Variants in ASB16 observed in about 807,000 individuals in gnomAD.
The protein encoded by ASB16 is ankyrin repeat and SOCS box protein 16.
ASB16 carries 44 observed loss-of-function variants against 39.1 expected under a neutral mutation model. The ratio of observed to expected loss-of-function variants is 1.13; its 90% CI spans 0.88 to 1.45. The LOEUF is 1.45. ASB16 is among the 40% of genes most tolerant of loss of function. The pLI, the probability that ASB16 is intolerant of heterozygous loss-of-function variation, is 0.00. For synonymous variants in ASB16, 305 were observed against 286.7 expected, an observed-to-expected ratio of 1.06 and a Z score of -0.64; for missense variants, 698 against 634.5, an observed-to-expected ratio of 1.10 and a Z score of -1.07.
Position 44,171,089 on chromosome 17 carries a change from G to A in ASB16, c.300G>A (p.Gln100=). The part of the protein sequence containing the change: ...VSNQLAWSAE[Q]GFWVLTPKTK... ...ACCAGCTGGCCTGGTCGGCTGAACA[G>A]GGTAGGGGGCACCAGAAGAGGGCAG... Residue 100 remains glutamine, a splice_region_variant and synonymous_variant, in exon 1 of 5, where the codon CAG becomes CAA. Transcript: ENST00000293414. The A allele has an allele frequency of 3.1e-6, 5 of 1,611,426 alleles. No individual in the cohort carries two copies. The highest frequency in any genetic ancestry group is 4.2e-6 in the Non-Finnish European group (5 of 1,178,314).
chr17:44,173,501 T>C lies in ASB16; in HGVS notation c.569+1188T>C, dbSNP rs1353787077. ...TGAGTCCAGGAGTTTGAGAATAGTT[T>C]GGGCAACGTAAGTGAGGTTTTTGTC... On this transcript the variant is annotated intron_variant, in intron 2 of 4. Transcript: ENST00000293414. Among the ~76,000 whole-genome samples, 4 of 151,366 alleles carry C rather than the reference T, an allele frequency of 2.6e-5. No homozygotes were observed. In the East Asian group the frequency reaches 7.8e-4, roughly 30 times the overall value.
At chr17:44,173,083 TA>T (rs770273961) in intron 2 of ASB16, among the ~76,000 whole-genome samples, 183 of 77,584 alleles carry the variant, frequency 2.4e-3, no homozygotes, top group Middle Eastern at 0.011. Context: ...GAGACTGTCT[TA>T]AAAAAAAAAA....
intron 2 of ASB16, chr17:44,176,460 G>C (rs959459727): frequency 3.7e-6 from 2 of 545,812 alleles, no homozygotes; most frequent in African/African-American, 3.8e-5. Context: ...CTGAGGCAGT[G>C]AGTACTATTT....
At position 44,172,177 on chromosome 17, in the gene ASB16, G is replaced by A. The variant is rs752303230; in HGVS notation, c.433G>A (p.Ala145Thr). ...GCTGGATGCCCGTGTCGGGGGTCGC[G>A]CTGCCTTGCATGAGGCCTGTGCCCG... ...AELDARVGGRAALHEACARAQ... is the reference protein window; with the variant it reads ...AELDARVGGRTALHEACARAQ... The change falls in exon 2 of 5, where the codon GCT becomes ACT. Residue 145 changes from alanine (A) to threonine (T), a missense_variant. Ala to Thr is a moderately conservative substitution (Grantham distance 58, BLOSUM62 0). Coordinates refer to ENST00000293414, the MANE Select transcript of ASB16 (RefSeq NM_080863.5). The A allele has an allele frequency of 4.1e-5, 66 of 1,612,034 alleles. No homozygotes were observed. In the Admixed American group the frequency reaches 8.3e-4, roughly 20 times the overall value.
At chr17:44,172,432 A>C in intron 2 of ASB16, 119 bp downstream of exon 2, 1 of 1,169,280 alleles carries the variant, frequency 8.6e-7, no homozygotes, top group Non-Finnish European at 1.2e-6. Flanking sequence ...AAAGCACCGC[A>C]TATACACATC....
intron 3 of ASB16, 124 bp downstream of exon 3, chr17:44,177,354 C>A: frequency 1.5e-6 from 2 of 1,345,092 alleles, no homozygotes; most frequent in Non-Finnish European, 2.0e-6. Context: ...GGCCAGGGGG[C>A]TGTCCCCAGC....
chr17:44,172,595 A>G (rs942040963), intron 2 of ASB16, among the ~76,000 whole-genome samples: 9 of 151,534 alleles, frequency 5.9e-5, no homozygotes, highest in African/African-American at 2.2e-4. Context: ...AGTCTCCAAT[A>G]CCCTGTGAAT....
Position 44,177,681 on chromosome 17 carries a change from T to C in ASB16, c.1135T>C (p.Cys379Arg). 1 of 1,613,888 alleles carries C rather than the reference T, an allele frequency of 6.2e-7. No homozygotes were observed. The highest frequency in any genetic ancestry group is 1.1e-5 in the South Asian group (1 of 91,076). ...TAATGCCTATCCTTGTGTCCCATCC[T>C]GTGAGACCTGGGTGGAGGCGGTGCT... is the stretch of plus-strand genomic sequence containing the variant. ...LLNAYPCVPS[C>R]ETWVEAVLPE... Residue 379 changes from cysteine (C) to arginine (R), a missense_variant, in exon 4 of 5, where the codon TGT (cysteine) becomes CGT (arginine). Coordinates refer to ENST00000293414, the MANE Select transcript of ASB16 (RefSeq NM_080863.5).
chr17:44,173,638 G>A (rs542145699), intron 2 of ASB16, among the ~76,000 whole-genome samples: 1 of 152,032 alleles, frequency 6.6e-6, no homozygotes, highest in Non-Finnish European at 1.5e-5. Flanking sequence ...GACCAGACTG[G>A]GAAACATAGT....
At chr17:44,171,818 C>T (rs1044188791) in intron 1 of ASB16, among the ~76,000 whole-genome samples, 5 of 152,054 alleles carry the variant, frequency 3.3e-5, no homozygotes, top group African/African-American at 1.2e-4. Context: ...ATGACACATA[C>T]TATGTTTTGT....
chr17:44,172,402 C>A, intron 2 of ASB16, 89 bp downstream of exon 2: 1 of 1,483,816 alleles, frequency 6.7e-7, no homozygotes, highest in Non-Finnish European at 9.1e-7. Flanking sequence ...CTGACAACCA[C>A]ATGCAGCTTT....
Position 44,177,691 on chromosome 17 carries a change from G to C in ASB16, c.1145G>C (p.Trp382Ser). 6.2e-7 allele frequency: 1 copy of C among 1,613,922 alleles called. No individual in the cohort carries two copies. The change falls in exon 4 of 5, where the codon TGG becomes TCG. Residue 382 changes from tryptophan (W) to serine (S), a missense_variant. Coordinates refer to ENST00000293414, the MANE Select transcript of ASB16 (RefSeq NM_080863.5). Reference sequence around the variant, plus strand: ...CCTTGTGTCCCATCCTGTGAGACCTGGGTGGAGGCGGTGCTCCCAGAGCTG... The same window carrying C: ...CCTTGTGTCCCATCCTGTGAGACCTCGGTGGAGGCGGTGCTCCCAGAGCTG... The part of the protein sequence containing the change: ...AYPCVPSCET[W>S]VEAVLPELWK...
intron 4 of ASB16, 46 bp downstream of exon 4, chr17:44,177,768 G>A (rs375931013): frequency 5.4e-5 from 86 of 1,602,064 alleles, no homozygotes; most frequent in Non-Finnish European, 7.0e-5. Flanking sequence ...ACGAGCCACA[G>A]GCCTATTCCT....
chr17:44,178,374 A>AG lies in ASB16; in HGVS notation c.1350dup (p.Cys451ValfsTer92). ...AGGGACTACCTGCTGCTGCGTGTGG[A>AG]GGGGTGCATCCAGTGAACCCCATGT... On this transcript the variant is annotated frameshift_variant, in exon 5 of 5. Coordinates refer to ENST00000293414, the MANE Select transcript of ASB16 (RefSeq NM_080863.5). LOFTEE classifies it high-confidence loss of function. 13 of 1,603,024 alleles carry AG rather than the reference A, an allele frequency of 8.1e-6. No homozygotes were observed. The highest frequency in any genetic ancestry group is 1.1e-5 in the Non-Finnish European group (13 of 1,174,168).
At chr17:44,178,099 A>T (rs1445931007) in intron 4 of ASB16, 106 bp from the exon 5 acceptor site, 1 of 1,204,492 alleles carries the variant, frequency 8.3e-7, no homozygotes, top group East Asian at 2.4e-5. Context: ...GAGACACATG[A>T]AACACCCAGG....
intron 2 of ASB16, among the ~76,000 whole-genome samples, chr17:44,173,048 C>T (rs1468283502): frequency 1.4e-5 from 2 of 143,614 alleles, no homozygotes; most frequent in African/African-American, 2.6e-5. Flanking sequence ...TGCAGTGAGC[C>T]GAGATTCTGC....
In ASB16 at chr17:44,176,810, G is replaced by A. The variant is rs376814407; in HGVS notation, c.642G>A (p.Leu214=). The change falls in exon 3 of 5, where the codon CTG becomes CTA. Residue 214 remains leucine (L), a synonymous_variant. Transcript: ENST00000293414. ...CAGGCGAGAGCCAGGAGACGCCCCT[G>A]CACGTGGCGGCGGCGCGCGGCCTGG... is the stretch of plus-strand genomic sequence containing the variant. ...LAAGESQETP[L]HVAAARGLEQ... The A allele has an allele frequency of 3.7e-6, 6 of 1,613,480 alleles. No homozygotes were observed. Among genetic ancestry groups the A allele is most frequent in the Non-Finnish European group, 5.1e-6 (6 of 1,179,820 alleles).
At chr17:44,177,529 T>C in intron 3 of ASB16, 80 bp from the exon 4 acceptor site, 4 of 1,536,162 alleles carry the variant, frequency 2.6e-6, no homozygotes, top group Non-Finnish European at 3.5e-6. Context: ...AGGCTAGGAT[T>C]GGCCATGTGG....
intron 2 of ASB16, among the ~76,000 whole-genome samples, chr17:44,174,856 C>G (rs1327862275): frequency 2.6e-5 from 4 of 152,156 alleles, no homozygotes; most frequent in Non-Finnish European, 5.9e-5. Flanking sequence ...GTAATCCCAG[C>G]ACTTTGGGAG....
Sources: allele counts gnomAD v4.1 joint callset (sites outside exome capture counted in the v4.1 genomes callset), GRCh38; gene constraint gnomAD v4.1.1; transcripts MANE v1.5; gene names NCBI Gene and HGNC (gene_info 2026-07-23, HGNC 2026-07-21).